SNTG1: variants seen among roughly 807,000 people sequenced by gnomAD.
SNTG1 encodes syntrophin gamma 1.
A neutral mutation model predicts 74.7 loss-of-function variants in SNTG1; 39 were observed. The ratio of observed to expected loss-of-function variants is 0.52; its 90% CI spans 0.40 to 0.68. The LOEUF is 0.68. Among genes scored for constraint, SNTG1 ranks in the 30% least tolerant of loss-of-function variants. The probability of loss-of-function intolerance (pLI) is 0.00; values close to 1 mark genes in which losing one functional copy is unlikely to be tolerated. For missense variants in SNTG1, 685 were observed against 609.5 expected, an observed-to-expected ratio of 1.12 and a Z score of -1.30; for synonymous variants, 254 against 217.1, an observed-to-expected ratio of 1.17 and a Z score of -1.49.
chr8:50,742,612 C>T (rs894318937), intron 17 of SNTG1, among the ~76,000 whole-genome samples: 3 of 151,418 alleles, frequency 2.0e-5, no homozygotes, highest in Non-Finnish European at 4.4e-5. Context: ...AGTGACCTGA[C>T]ATTACATCTT....
intron 15 of SNTG1, among the ~76,000 whole-genome samples, chr8:50,703,086 C>T (rs2095431613): frequency 2.6e-5 from 4 of 152,062 alleles, no homozygotes; most frequent in African/African-American, 9.7e-5. Flanking sequence ...AAATACTGAG[C>T]ACTTAGACTA....
chr8:50,175,048 T>A (rs1288561076), intron 2 of SNTG1, among the ~76,000 whole-genome samples: 2 of 152,138 alleles, frequency 1.3e-5, no homozygotes. Flanking sequence ...GAACTCATCA[T>A]TTTTTATGGC....
intron 15 of SNTG1, among the ~76,000 whole-genome samples, chr8:50,690,693 G>A (rs1290160731): frequency 2.0e-5 from 3 of 152,200 alleles, no homozygotes; most frequent in Non-Finnish European, 4.4e-5. Context: ...TGGAGTAGGT[G>A]TGGTGTGGTG....
At chr8:49,958,626 G>A (rs146801921) in intron 1 of SNTG1, among the ~76,000 whole-genome samples, 3,444 of 152,166 alleles carry the variant, frequency 0.023, 42 homozygotes, top group African/African-American at 0.032. Flanking sequence ...TCACCATGTT[G>A]GCCAGGCTGG....
At chr8:50,239,415 T>C (rs2086068694) in intron 2 of SNTG1, among the ~76,000 whole-genome samples, 1 of 152,184 alleles carries the variant, frequency 6.6e-6, no homozygotes, top group Non-Finnish European at 1.5e-5. Context: ...AGGCACCTTG[T>C]TCACAAAGTG....
chr8:50,466,906 T>C (rs2093612857), intron 8 of SNTG1, among the ~76,000 whole-genome samples: 1 of 151,988 alleles, frequency 6.6e-6, no homozygotes, highest in Non-Finnish European at 1.5e-5. Context: ...ACTTCTTCAT[T>C]AGTTCTAAGA....
chr8:50,209,381 C>A (rs184719544), intron 2 of SNTG1, among the ~76,000 whole-genome samples: 1 of 152,146 alleles, frequency 6.6e-6, no homozygotes, highest in East Asian at 1.9e-4. Flanking sequence ...AGTGGTTCTC[C>A]GAGCATGGAG....
At chr8:50,328,359 T>A (rs867131994) in intron 2 of SNTG1, among the ~76,000 whole-genome samples, 3 of 151,888 alleles carry the variant, frequency 2.0e-5, no homozygotes, top group Middle Eastern at 6.8e-3. Context: ...CTCTTCTTGC[T>A]TACATGGTGT....
chr8:49,993,945 A>G (rs1487784309), intron 1 of SNTG1, among the ~76,000 whole-genome samples: 1 of 152,168 alleles, frequency 6.6e-6, no homozygotes, highest in Non-Finnish European at 1.5e-5. Context: ...ATTCTTAAGC[A>G]TGTAAACATA....
At chr8:49,972,360 T>C (rs1209936691) in intron 1 of SNTG1, among the ~76,000 whole-genome samples, 1 of 152,146 alleles carries the variant, frequency 6.6e-6, no homozygotes, top group Non-Finnish European at 1.5e-5. Flanking sequence ...TATACAAAAA[T>C]TAATTCAAGA....
chr8:50,602,354 G>A (rs754000786), intron 13 of SNTG1, among the ~76,000 whole-genome samples: 2 of 152,030 alleles, frequency 1.3e-5, no homozygotes, highest in Non-Finnish European at 2.9e-5. Flanking sequence ...TTAAACTAAT[G>A]ACAACTTAAA....
chr8:50,081,615 T>TTTTTTG (rs1256361557), intron 1 of SNTG1, among the ~76,000 whole-genome samples: 30 of 152,156 alleles, frequency 2.0e-4, no homozygotes, highest in Middle Eastern at 3.4e-3. Flanking sequence ...TCACTTCGTT[T>TTTTTTG]TTTTTGTTTT....
At chr8:50,359,048 G>A (rs1219795673) in intron 2 of SNTG1, among the ~76,000 whole-genome samples, 4 of 152,170 alleles carry the variant, frequency 2.6e-5, no homozygotes, top group Non-Finnish European at 5.9e-5. Context: ...GCAATGACAG[G>A]CGACAGCAAA....
At chr8:49,964,783 G>T (rs183735407) in intron 1 of SNTG1, among the ~76,000 whole-genome samples, 9 of 152,120 alleles carry the variant, frequency 5.9e-5, no homozygotes, top group Admixed American at 4.6e-4. Context: ...ATGATAGTAG[G>T]TATTCATTAG....
intron 1 of SNTG1, among the ~76,000 whole-genome samples, chr8:50,135,360 A>T: frequency 6.6e-6 from 1 of 152,216 alleles, no homozygotes; most frequent in Non-Finnish European, 1.5e-5. Flanking sequence ...ATATTACATA[A>T]GGAATGAAAC....
rs372081714 is a variant in SNTG1 at position 50,148,499 on chromosome 8, C to A, written c.-102-24062C>A. Among the ~76,000 whole-genome samples the A allele has an allele frequency of 3.3e-5, 5 of 152,212 alleles. No individual in the cohort carries two copies. In the East Asian group the frequency reaches 5.8e-4, roughly 18 times the overall value. ...TGTATACATATGCCATGTTGGTGTG[C>A]TGCACCCATTAACTCATCATTTACA... is the stretch of plus-strand genomic sequence containing the variant. On this transcript the variant is annotated intron_variant, in intron 1 of 18. Coordinates refer to ENST00000642720, the MANE Select transcript of SNTG1 (RefSeq NM_018967.5).
chr8:50,336,285 C>T (rs1167427685), intron 2 of SNTG1, among the ~76,000 whole-genome samples: 1 of 152,134 alleles, frequency 6.6e-6, no homozygotes, highest in African/African-American at 2.4e-5. Context: ...TAAACATATT[C>T]CCTTCTATAC....
intron 1 of SNTG1, among the ~76,000 whole-genome samples, chr8:49,932,949 C>T (rs937189635): frequency 6.6e-6 from 1 of 151,538 alleles, no homozygotes; most frequent in African/African-American, 2.4e-5. Flanking sequence ...TACCTGAGTG[C>T]TTCATGCTTT....
chr8:50,093,091 C>A (rs2079799244), intron 1 of SNTG1, among the ~76,000 whole-genome samples: 1 of 151,846 alleles, frequency 6.6e-6, no homozygotes, highest in Admixed American at 6.6e-5. Flanking sequence ...GCACATATAC[C>A]CAATGATGAG....
Sources: allele counts gnomAD v4.1 joint callset (sites outside exome capture counted in the v4.1 genomes callset), GRCh38; gene constraint gnomAD v4.1.1; transcripts MANE v1.5; gene names NCBI Gene and HGNC (gene_info 2026-07-23, HGNC 2026-07-21).